The following CNTN5 variants were observed in gnomAD, a reference collection of about 807,000 sequenced individuals.
The protein encoded by CNTN5 is contactin-5.
A neutral mutation model predicts 129.1 loss-of-function variants in CNTN5; 77 were observed. That is an observed-to-expected ratio of 0.60 (90% confidence interval 0.50 to 0.72). The LOEUF is 0.72. CNTN5 is among the 30% of genes least tolerant of loss of function. The probability of loss-of-function intolerance (pLI) is 0.00; values close to 1 mark genes in which losing one functional copy is unlikely to be tolerated. For missense variants in CNTN5, 1,478 were observed against 1,328.8 expected (o/e 1.11, Z -1.75); for synonymous variants, 509 against 465.6 (o/e 1.09, Z -1.20).
chr11:100,188,047 G>A (rs1277140593), intron 13 of CNTN5, among the ~76,000 whole-genome samples: 1 of 152,140 alleles, frequency 6.6e-6, no homozygotes, highest in East Asian at 1.9e-4. Context: ...CACAACAAAG[G>A]TCTAATATCC....
intron 9 of CNTN5, among the ~76,000 whole-genome samples, chr11:100,029,570 G>GA (rs1270784542): frequency 1.3e-5 from 2 of 150,874 alleles, no homozygotes; most frequent in African/African-American, 4.9e-5. Flanking sequence ...GCAACAGCGA[G>GA]ACTCCATCTC....
intron 2 of CNTN5, among the ~76,000 whole-genome samples, chr11:99,460,694 C>T (rs548374838): frequency 1.2e-4 from 18 of 151,960 alleles, no homozygotes; most frequent in South Asian, 6.2e-4. Context: ...AATATAAGAA[C>T]CAGTGATTTT....
chr11:100,014,822 C>A (rs1332764506), intron 9 of CNTN5, among the ~76,000 whole-genome samples: 1 of 151,974 alleles, frequency 6.6e-6, no homozygotes, highest in South Asian at 2.1e-4. Context: ...CTTAATTTAG[C>A]CTATTTGATG....
chr11:100,233,324 A>T (rs1949534862), intron 16 of CNTN5, among the ~76,000 whole-genome samples: 1 of 152,214 alleles, frequency 6.6e-6, no homozygotes, highest in Admixed American at 6.5e-5. Flanking sequence ...TGTAAGAAAC[A>T]AGAGAATGGC....
intron 1 of CNTN5, among the ~76,000 whole-genome samples, chr11:99,268,818 G>A (rs1219576536): frequency 6.6e-6 from 1 of 151,922 alleles, no homozygotes; most frequent in Non-Finnish European, 1.5e-5. Flanking sequence ...TCCTTTTAAA[G>A]GATGTGTTTA....
chr11:99,356,573 G>A (rs1014136297), intron 2 of CNTN5, among the ~76,000 whole-genome samples: 1 of 152,108 alleles, frequency 6.6e-6, no homozygotes, highest in South Asian at 2.1e-4. Context: ...CAATGACTTC[G>A]TTTTTCAAAC....
At chr11:99,467,633 A>G (rs1944997840) in intron 2 of CNTN5, among the ~76,000 whole-genome samples, 1 of 152,052 alleles carries the variant, frequency 6.6e-6, no homozygotes, top group Non-Finnish European at 1.5e-5. Flanking sequence ...TCCTTTTACT[A>G]AAAAAGAGAG....
chr11:99,403,837 G>T lies in CNTN5; in HGVS notation c.-71+78353G>T, dbSNP rs537716611. On this transcript the variant is annotated intron_variant, in intron 2 of 24. Transcript: ENST00000524871. ...GAATAATGTGTATTCTGCAGTTCTT[G>T]GATGAAAAGTTTTATAAGTATCTAT... Among the ~76,000 whole-genome samples the T allele has an allele frequency of 2.1e-4, 32 of 152,132 alleles. 1 individual carries two copies. The highest frequency in any genetic ancestry group is 1.5e-3 in the Admixed American group (23 of 15,264).
chr11:100,355,025 A>G (rs1952491430), intron 24 of CNTN5, among the ~76,000 whole-genome samples: 1 of 151,714 alleles, frequency 6.6e-6, no homozygotes, highest in Non-Finnish European at 1.5e-5. Flanking sequence ...TACTTAGGCT[A>G]TATTACATTT....
At chr11:99,654,586 G>A (rs182606133) in intron 3 of CNTN5, among the ~76,000 whole-genome samples, 2 of 152,154 alleles carry the variant, frequency 1.3e-5, no homozygotes, top group East Asian at 3.9e-4. Context: ...TACTGGTGAA[G>A]TTACTGAGTT....
In CNTN5 at chr11:100,114,991, T is replaced by C. The variant is rs1008078188; in HGVS notation, c.1580+40697T>C. ...GTGGAAGCTCCATGGGTGTCCCCAT[T>C]ATTGGATTGCGCTGACACCATTAGT... On this transcript the variant is annotated intron_variant, in intron 13 of 24. Coordinates refer to ENST00000524871, the MANE Select transcript of CNTN5 (RefSeq NM_014361.4). Among the ~76,000 whole-genome samples, 4 of 151,832 alleles carry C rather than the reference T, an allele frequency of 2.6e-5. No homozygotes were observed. The East Asian group carries it at 7.8e-4, about 29-fold the overall frequency.
chr11:100,160,603 C>T (rs1037091626), intron 13 of CNTN5, among the ~76,000 whole-genome samples: 1 of 151,906 alleles, frequency 6.6e-6, no homozygotes, highest in South Asian at 2.1e-4. Flanking sequence ...AGAAACTCCA[C>T]TTTGGACTGG....
At chr11:100,048,235 G>T (rs1942789211) in intron 9 of CNTN5, among the ~76,000 whole-genome samples, 1 of 152,156 alleles carries the variant, frequency 6.6e-6, no homozygotes, top group Non-Finnish European at 1.5e-5. Flanking sequence ...TGGGCCTTTA[G>T]ACTTGAGGGC....
chr11:100,216,753 A>G lies in CNTN5; in HGVS notation c.1885-7939A>G, dbSNP rs555872765. The stretch of plus-strand genomic sequence containing the variant: ...AGCTTTTCAAATAAACCTATGGTTC[A>G]TTGAAATAATTTCTAATAATAGTTT... On this transcript the variant is annotated intron_variant, in intron 15 of 24. Transcript: ENST00000524871. 2.0e-5 allele frequency among the ~76,000 whole-genome samples: 3 copies of G among 152,322 alleles called. No homozygotes were observed. The South Asian group carries it at 6.2e-4, about 32-fold the overall frequency.
chr11:100,204,212 G>A (rs1178812079), intron 15 of CNTN5, among the ~76,000 whole-genome samples: 1 of 143,836 alleles, frequency 7.0e-6, no homozygotes, highest in East Asian at 2.1e-4. Flanking sequence ...AATATTTGTA[G>A]TCATTAAAGG....
chr11:99,306,458 A>T (rs1376665394), intron 1 of CNTN5, among the ~76,000 whole-genome samples: 1 of 152,210 alleles, frequency 6.6e-6, no homozygotes, highest in Non-Finnish European at 1.5e-5. Context: ...AGGTAAAGAA[A>T]ATAAAATACC....
At chr11:99,380,081 C>CTG (rs10671165) in intron 2 of CNTN5, among the ~76,000 whole-genome samples, 46,563 of 148,046 alleles carry the variant, frequency 0.31, 7,317 homozygotes, top group South Asian at 0.41. Flanking sequence ...AATGGTGTGT[C>CTG]TGTGTGTGTG....
At chr11:99,556,498 T>C (rs1452649980) in intron 3 of CNTN5, among the ~76,000 whole-genome samples, 1 of 141,888 alleles carries the variant, frequency 7.0e-6, no homozygotes, top group Non-Finnish European at 1.5e-5. Flanking sequence ...AAATGAGTAT[T>C]TACCTCCTTG....
chr11:99,788,874 A>C (rs1016248573), intron 3 of CNTN5, among the ~76,000 whole-genome samples: 1 of 151,880 alleles, frequency 6.6e-6, no homozygotes, highest in African/African-American at 2.4e-5. Flanking sequence ...AGGGGGCTCA[A>C]TTTCAGATTT....
Sources: gnomAD v4.1 joint callset for allele counts (sites outside exome capture counted in the v4.1 genomes callset) on GRCh38, gnomAD v4.1.1 for gene constraint, MANE v1.5 for transcripts, NCBI Gene and HGNC (gene_info 2026-07-23, HGNC 2026-07-21) for gene names.